IL1F10: variants seen among roughly 807,000 people sequenced by gnomAD.
The protein encoded by IL1F10 is interleukin-1 family member 10.
In IL1F10, 13 loss-of-function variants were observed where a neutral mutation model predicts 13.1. The ratio of observed to expected loss-of-function variants is 0.99; its 90% CI spans 0.64 to 1.57. The LOEUF is 1.57. Ranked by LOEUF, IL1F10 falls within the 40% of genes most tolerant of loss-of-function variation. IL1F10 has a pLI of 0.00. For missense variants in IL1F10, 191 were observed against 184.1 expected (o/e 1.04, Z -0.22); for synonymous variants, 78 against 68.2 (o/e 1.14, Z -0.71).
rs143097127 is a variant in IL1F10, at chr2:113,074,384, G to T, written c.88G>T (p.Gly30Ter). 1 of 1,613,808 alleles carries T rather than the reference G, an allele frequency of 6.2e-7. No individual in the cohort carries two copies. The highest frequency in any genetic ancestry group is 1.3e-5 in the African/African-American group (1 of 74,920). ...LYTRDGQLLV[G>*]DPVADNCCAE... The stretch of plus-strand genomic sequence containing the variant: ...CACAAGAGATGGCCAGCTGCTGGTG[G>T]GAGATCCTGTTGCAGACAACTGCTG... Residue 30 changes from glycine to a stop codon, truncating the protein, a stop_gained, in exon 3 of 5, where the codon GGA becomes TGA. Coordinates refer to ENST00000341010, the MANE Select transcript of IL1F10 (RefSeq NM_173161.3). LOFTEE classifies it high-confidence loss of function.
chr2:113,072,769 A>C lies in IL1F10; in HGVS notation c.31A>C (p.Ile11Leu), dbSNP rs1344772688. The change falls in exon 2 of 5, where the codon ATA becomes CTA. Residue 11 changes from isoleucine to leucine, a missense_variant and splice_region_variant. Coordinates refer to ENST00000341010, the MANE Select transcript of IL1F10 (RefSeq NM_173161.3). MCSLPMARYY[I>L]IKYADQKALY... ...TTCCCTCCCCATGGCAAGATACTAC[A>C]TGTAAGTTGTCCTGGCATGTCCCTG... The C allele has an allele frequency of 6.2e-7, 1 of 1,612,962 alleles. No individual in the cohort carries two copies. Among genetic ancestry groups the C allele is most frequent in the African/African-American group, 1.3e-5 (1 of 75,008 alleles).
chr2:113,069,843 G>A (rs935731719), intron 1 of IL1F10, among the ~76,000 whole-genome samples: 38 of 152,214 alleles, frequency 2.5e-4, no homozygotes, highest in African/African-American at 9.2e-4. Flanking sequence ...TGTGAAGGGA[G>A]TCATTCAATG....
chr2:113,071,827 C>T (rs1444503966), intron 1 of IL1F10, among the ~76,000 whole-genome samples: 1 of 152,150 alleles, frequency 6.6e-6, no homozygotes, highest in Non-Finnish European at 1.5e-5. Flanking sequence ...TTTTTCTTCT[C>T]TATTCCCTTC....
Position 113,075,176 on chromosome 2 carries a change from A to G in IL1F10, c.271A>G (p.Lys91Glu). 2.5e-6 allele frequency: 4 copies of G among 1,612,448 alleles called. No individual in the cohort carries two copies. The highest frequency in any genetic ancestry group is 2.5e-6 in the Non-Finnish European group (3 of 1,179,474). Residue 91 changes from lysine to glutamate, a missense_variant, in exon 5 of 5, where the codon AAA (lysine) becomes GAA (glutamate). Physicochemically the swap from Lys to Glu is moderately conservative, Grantham distance 56. Coordinates refer to ENST00000341010, the MANE Select transcript of IL1F10 (RefSeq NM_173161.3). ...GGATGTGAACATTGAGGAACTGTAC[A>G]AAGGTGGTGAAGAGGCCACACGCTT... is the stretch of plus-strand genomic sequence containing the variant. The part of the protein sequence containing the change: ...LEDVNIEELY[K>E]GGEEATRFTF...
chr2:113,073,722 C>A (rs1685886762), intron 2 of IL1F10, among the ~76,000 whole-genome samples: 2 of 152,070 alleles, frequency 1.3e-5, no homozygotes, highest in Non-Finnish European at 2.9e-5. Flanking sequence ...ATAGAAAAAT[C>A]CCCTGGAGGT....
intron 1 of IL1F10, among the ~76,000 whole-genome samples, chr2:113,071,225 G>T (rs953082736): frequency 1.2e-4 from 18 of 152,078 alleles, no homozygotes; most frequent in Non-Finnish European, 2.6e-4. Flanking sequence ...AATATATTTT[G>T]AAAATTTTTA....
At chr2:113,075,051 C>T (rs545065486) in intron 4 of IL1F10, 101 bp from the exon 5 acceptor site, 2 of 1,291,402 alleles carry the variant, frequency 1.5e-6, no homozygotes, top group Admixed American at 2.1e-5. Flanking sequence ...TGGGTAAAAA[C>T]CAGCCCTGTC....
chr2:113,071,712 G>C (rs945434656), intron 1 of IL1F10, among the ~76,000 whole-genome samples: 8 of 152,132 alleles, frequency 5.3e-5, no homozygotes, highest in Admixed American at 3.9e-4. Flanking sequence ...CTTCTCACCT[G>C]CCTCCCCAGG....
chr2:113,075,217 C>A lies in IL1F10; in HGVS notation c.312C>A (p.Ser104Arg). 6.2e-7 allele frequency: 1 copy of A among 1,613,998 alleles called. No homozygotes were observed. The change falls in exon 5 of 5, where the codon AGC becomes AGA. Residue 104 changes from serine (S) to arginine (R), a missense_variant. By Grantham distance (110) the Ser-to-Arg change is moderately radical. Coordinates refer to ENST00000341010, the MANE Select transcript of IL1F10 (RefSeq NM_173161.3). ...EEATRFTFFQ[S>R]SSGSAFRLEA... ...CCACACGCTTCACCTTCTTCCAGAG[C>A]AGCTCAGGCTCCGCCTTCAGGCTTG...
chr2:113,068,429 G>T (rs1387497645), intron 1 of IL1F10, among the ~76,000 whole-genome samples: 2 of 149,542 alleles, frequency 1.3e-5, no homozygotes, highest in Non-Finnish European at 3.0e-5. Flanking sequence ...AGTCTCCATT[G>T]CTTCCTGTGT....
intron 1 of IL1F10, 125 bp from the exon 2 acceptor site, chr2:113,072,586 C>A: frequency 1.6e-6 from 1 of 623,006 alleles, no homozygotes; most frequent in Non-Finnish European, 2.8e-6. Flanking sequence ...TCTGGCAGGC[C>A]AATTATAGAC....
rs1247155381 is a variant in IL1F10, at chr2:113,074,809, G to C, written c.205G>C (p.Ala69Pro). The C allele has an allele frequency of 6.2e-7, 1 of 1,613,256 alleles. No individual in the cohort carries two copies. The highest frequency in any genetic ancestry group is 8.5e-7 in the Non-Finnish European group (1 of 1,180,020). The change falls in exon 4 of 5, where the codon GCA becomes CCA. Residue 69 changes from alanine to proline, a missense_variant. Coordinates refer to ENST00000341010, the MANE Select transcript of IL1F10 (RefSeq NM_173161.3). ...GATCCAGGGAGGGAGCCGCTGCCTG[G>C]CATGTGTGGAGACAGAAGAGGGGCC... ...LGIQGGSRCLACVETEEGPSL... is the reference protein window; with the variant it reads ...LGIQGGSRCLPCVETEEGPSL...
chr2:113,074,695 C>G, intron 3 of IL1F10, 28 bp from the exon 4 acceptor site: 1 of 1,613,020 alleles, frequency 6.2e-7, no homozygotes, highest in Non-Finnish European at 8.5e-7. Flanking sequence ...TCCCTTGTCC[C>G]TTGACTCTTC....
chr2:113,075,502 G>A lies in IL1F10; in HGVS notation c.*138G>A. 1 of 551,168 alleles carries A rather than the reference G, an allele frequency of 1.8e-6. No individual in the cohort carries two copies. The highest frequency in any genetic ancestry group is 4.4e-5 in the South Asian group (1 of 22,776). The allele number at this position is 551,168 out of a possible 1,614,324, so 34.1% of individuals were successfully genotyped here. On this transcript the variant is annotated 3_prime_UTR_variant, in exon 5 of 5. Transcript: ENST00000341010. ...GATCTGTGCATATGTTACCATACATGTCCAAAGAGGTTTTGCAAATGTGAT... is the reference window on the plus strand; with the variant it reads ...GATCTGTGCATATGTTACCATACATATCCAAAGAGGTTTTGCAAATGTGAT...
intron 1 of IL1F10, among the ~76,000 whole-genome samples, chr2:113,071,083 T>C (rs1685826816): frequency 1.3e-5 from 2 of 152,234 alleles, no homozygotes; most frequent in African/African-American, 4.8e-5. Context: ...GTTGATATGT[T>C]TAAAAAATTA....
rs1398288505 is a variant in IL1F10 at position 113,074,863 on chromosome 2, TC to T, written c.246+17del. Reference sequence around the variant, plus strand: ...CCTACAGCTGGAGGTGAGAGGCCTCTCCCCATTCTAGGGGACACTGCAGACC... The same window carrying T: ...CCTACAGCTGGAGGTGAGAGGCCTCTCCCATTCTAGGGGACACTGCAGACC... On this transcript the variant is annotated intron_variant, in intron 4 of 4. Coordinates refer to ENST00000341010, the MANE Select transcript of IL1F10 (RefSeq NM_173161.3). 1.2e-6 allele frequency: 2 copies of T among 1,610,688 alleles called. No homozygotes were observed. The highest frequency in any genetic ancestry group is 2.2e-5 in the East Asian group (1 of 44,860).
rs1558848731 is a variant in IL1F10 at position 113,075,011 on chromosome 2, G to C, written c.247-141G>C. On this transcript the variant is annotated intron_variant, in intron 4 of 4. Transcript: ENST00000341010. ...CTCTGCACCTAGCACCAAGACCCTTGCCCTCTAGAATCTGCAGAAGGCAGT... is the reference window on the plus strand; with the variant it reads ...CTCTGCACCTAGCACCAAGACCCTTCCCCTCTAGAATCTGCAGAAGGCAGT... 22 of 1,218,558 alleles carry C rather than the reference G, an allele frequency of 1.8e-5. 1 individual carries two copies. In the East Asian group the frequency reaches 5.2e-4, roughly 29 times the overall value. The allele number at this position is 1,218,558 out of a possible 1,614,324, so 75.5% of individuals were successfully genotyped here. A position where few individuals can be genotyped will look rare whatever the true frequency, so the allele number is the denominator to read the frequency against.
chr2:113,074,429 C>T lies in IL1F10; in HGVS notation c.118+15C>T. On this transcript the variant is annotated intron_variant, in intron 3 of 4. Coordinates refer to ENST00000341010, the MANE Select transcript of IL1F10 (RefSeq NM_173161.3). Reference sequence around the variant, plus strand: ...CTGCTGTGCAGGTGAGCTTCTGGGGCCTCCACCCCATGCTCCATCTGCCAT... The same window carrying T: ...CTGCTGTGCAGGTGAGCTTCTGGGGTCTCCACCCCATGCTCCATCTGCCAT... The T allele has an allele frequency of 1.3e-6, 2 of 1,592,494 alleles. No individual in the cohort carries two copies. The highest frequency in any genetic ancestry group is 2.2e-5 in the East Asian group (1 of 44,730).
intron 1 of IL1F10, among the ~76,000 whole-genome samples, chr2:113,069,465 CAGG>C (rs947616369): frequency 6.6e-6 from 1 of 152,138 alleles, no homozygotes; most frequent in Non-Finnish European, 1.5e-5. Flanking sequence ...GACACTGAGT[CAGG>C]AGAAGTAGGA....
Sources: allele counts gnomAD v4.1 joint callset (sites outside exome capture counted in the v4.1 genomes callset), GRCh38; gene constraint gnomAD v4.1.1; transcripts MANE v1.5; gene names NCBI Gene and HGNC (gene_info 2026-07-23, HGNC 2026-07-21).